MBD5: variants seen among roughly 807,000 people sequenced by gnomAD.
The protein encoded by MBD5 is methyl-CpG binding domain protein 5, also known as methyl-CpG-binding domain protein 5.
A neutral mutation model predicts 117.3 loss-of-function variants in MBD5; 13 were observed. The ratio of observed to expected loss-of-function variants is 0.11; its 90% CI spans 0.07 to 0.18. The LOEUF is 0.18. Among genes scored for constraint, MBD5 ranks in the 10% least tolerant of loss-of-function variants. MBD5 has a pLI of 1.00. For synonymous variants in MBD5, 727 were observed against 766.4 expected (o/e 0.95, Z 0.85); for missense variants, 1,879 against 2,093.8 (o/e 0.90, Z 2.00).
chr2:148,180,697 C>CT (rs987588092), intron 2 of MBD5, among the ~76,000 whole-genome samples: 1 of 151,708 alleles, frequency 6.6e-6, no homozygotes, highest in African/African-American at 2.4e-5. Flanking sequence ...CGCCCGGCAT[C>CT]TTTTTTTTAA....
Position 148,356,908 on chromosome 2 carries a change from T to A in MBD5, c.-557+14572T>A, listed in dbSNP as rs72857696. 3.8e-3 allele frequency among the ~76,000 whole-genome samples: 586 copies of A among 152,272 alleles called. 1 individual carries two copies. The highest frequency in any genetic ancestry group is 6.0e-3 in the Non-Finnish European group (405 of 68,014). On this transcript the variant is annotated intron_variant, in intron 4 of 13. Coordinates refer to ENST00000642680, the MANE Select transcript of MBD5 (RefSeq NM_001378120.1). ...TTTTCTCTTTTCTTTTCTTTTTTTT[T>A]AATTCTGCTGTGATGAAGCGTATCC...
Position 148,490,327 on chromosome 2 carries a change from C to T in MBD5, c.4695C>T (p.Asp1565=). The T allele has an allele frequency of 3.7e-6, 6 of 1,614,192 alleles. No individual in the cohort carries two copies. Among genetic ancestry groups the T allele is most frequent in the Admixed American group, 1.7e-5 (1 of 60,020 alleles). Residue 1565 remains aspartate, a synonymous_variant, in exon 11 of 14, where the codon GAC becomes GAT. Transcript: ENST00000642680. ...SNSLENSLVK[D]YIHYNGDFNA... Reference sequence around the variant, plus strand: ...GTTTGGAAAATTCTCTGGTCAAAGACTACATCCATTACAATGGAGACTTTA... The same window carrying T: ...GTTTGGAAAATTCTCTGGTCAAAGATTACATCCATTACAATGGAGACTTTA...
intron 1 of MBD5, among the ~76,000 whole-genome samples, chr2:148,117,649 G>T (rs914855961): frequency 2.6e-5 from 4 of 152,018 alleles, no homozygotes; most frequent in African/African-American, 4.8e-5. Flanking sequence ...GAAAAAATTT[G>T]CCTGTGTATA....
chr2:148,505,275 G>C (rs1014618811), intron 12 of MBD5, among the ~76,000 whole-genome samples: 1 of 152,150 alleles, frequency 6.6e-6, no homozygotes, highest in African/African-American at 2.4e-5. Context: ...TACAGTTTGG[G>C]GTGCCTGTAG....
intron 4 of MBD5, among the ~76,000 whole-genome samples, chr2:148,359,558 T>C (rs755911631): frequency 6.6e-6 from 1 of 152,156 alleles, no homozygotes; most frequent in Non-Finnish European, 1.5e-5. Context: ...TTTTCTTGCC[T>C]TCTTAAGTCT....
intron 3 of MBD5, among the ~76,000 whole-genome samples, chr2:148,312,145 A>G (rs1400265719): frequency 6.6e-6 from 1 of 152,064 alleles, no homozygotes; most frequent in African/African-American, 2.4e-5. Flanking sequence ...GCTCTTCTCA[A>G]GGAGTATCTT....
intron 4 of MBD5, among the ~76,000 whole-genome samples, chr2:148,349,326 G>A (rs1450742480): frequency 6.6e-6 from 1 of 151,866 alleles, no homozygotes; most frequent in African/African-American, 2.4e-5. Context: ...TAATATATGA[G>A]TCAGAATAGT....
At chr2:148,296,590 T>C (rs909542361) in intron 3 of MBD5, 17 of 176,066 alleles carry the variant, frequency 9.7e-5, no homozygotes, top group African/African-American at 3.8e-4. Context: ...CAAAATAGTG[T>C]TCATTGACTG....
intron 4 of MBD5, among the ~76,000 whole-genome samples, chr2:148,440,659 G>A (rs1706291169): frequency 6.6e-6 from 1 of 152,200 alleles, no homozygotes; most frequent in Non-Finnish European, 1.5e-5. Context: ...TGCATACTAT[G>A]TACCTGACAA....
chr2:148,398,153 C>T (rs1704795033), intron 4 of MBD5, among the ~76,000 whole-genome samples: 1 of 152,122 alleles, frequency 6.6e-6, no homozygotes, highest in South Asian at 2.1e-4. Context: ...TTTTATACTC[C>T]TTTGGGTATA....
chr2:148,103,030 A>G (rs1696272999), intron 1 of MBD5, among the ~76,000 whole-genome samples: 1 of 152,194 alleles, frequency 6.6e-6, no homozygotes, highest in South Asian at 2.1e-4. Flanking sequence ...AAATTTAATC[A>G]GAACATATTG....
chr2:148,047,080 T>C (rs1372436575), intron 1 of MBD5, among the ~76,000 whole-genome samples: 1 of 152,204 alleles, frequency 6.6e-6, no homozygotes, highest in African/African-American at 2.4e-5. Context: ...GCCTCTTGCC[T>C]TATCCACTGT....
intron 4 of MBD5, among the ~76,000 whole-genome samples, chr2:148,380,591 G>A (rs1280281347): frequency 2.6e-5 from 4 of 152,074 alleles, no homozygotes; most frequent in African/African-American, 7.2e-5. Context: ...TTAATCACTT[G>A]CATTAGAAAA....
At chr2:148,451,619 T>G (rs1219995576) in intron 4 of MBD5, among the ~76,000 whole-genome samples, 1 of 152,190 alleles carries the variant, frequency 6.6e-6, no homozygotes, top group Admixed American at 6.6e-5. Context: ...ATGATAATTA[T>G]GTTGTAGCCA....
At chr2:148,397,812 C>CCCCCCTCCA (rs1704776885) in intron 4 of MBD5, among the ~76,000 whole-genome samples, 1 of 145,712 alleles carries the variant, frequency 6.9e-6, no homozygotes, top group African/African-American at 2.5e-5. Flanking sequence ...CTCCCCCTAC[C>CCCCCCTCCA]CCACAACAGG....
chr2:148,445,857 G>C (rs1166577043), intron 4 of MBD5, among the ~76,000 whole-genome samples: 2 of 151,368 alleles, frequency 1.3e-5, no homozygotes, highest in East Asian at 3.9e-4. Context: ...TCTCACTGTG[G>C]TTTTGATTTG....
At chr2:148,266,622 G>A (rs1031669350) in intron 3 of MBD5, among the ~76,000 whole-genome samples, 14 of 151,960 alleles carry the variant, frequency 9.2e-5, no homozygotes, top group African/African-American at 3.4e-4. Flanking sequence ...CCTATATAGA[G>A]TTAATAGAAA....
intron 3 of MBD5, among the ~76,000 whole-genome samples, chr2:148,283,651 A>G (rs1701301997): frequency 6.6e-6 from 1 of 152,178 alleles, no homozygotes. Context: ...TTTAAGTCAT[A>G]AGAAATGTGC....
chr2:148,252,702 A>G (rs746274598), intron 3 of MBD5, among the ~76,000 whole-genome samples: 2 of 152,112 alleles, frequency 1.3e-5, no homozygotes, highest in African/African-American at 2.4e-5. Flanking sequence ...GGCATGCACC[A>G]TGATGCCCAG....
Sources: gnomAD v4.1 joint callset for allele counts (sites outside exome capture counted in the v4.1 genomes callset) on GRCh38, gnomAD v4.1.1 for gene constraint, MANE v1.5 for transcripts, NCBI Gene and HGNC (gene_info 2026-07-23, HGNC 2026-07-21) for gene names.